APC: variants seen among roughly 807,000 people sequenced by gnomAD.
APC encodes APC regulator of Wnt signaling pathway, also known as adenomatous polyposis coli protein.
A neutral mutation model predicts 247.0 loss-of-function variants in APC; 72 were observed. That is an observed-to-expected ratio of 0.29 (90% CI 0.24 to 0.35). The LOEUF is 0.35. Ranked by LOEUF, APC falls within the 10% of genes least tolerant of loss-of-function variation. APC has a pLI of 1.00. For synonymous variants in APC, 1,254 were observed against 1,162.5 expected, an observed-to-expected ratio of 1.08 and a Z score of -1.60; for missense variants, 3,400 against 3,360.7, an observed-to-expected ratio of 1.01 and a Z score of -0.29.
chr5:112,726,961 G>C (rs977271478), intron 1 of APC, among the ~76,000 whole-genome samples: 1 of 151,908 alleles, frequency 6.6e-6, no homozygotes, highest in Admixed American at 6.6e-5. Context: ...ATATTAAATA[G>C]GCATTATGAA....
rs778381030 is a variant in APC at position 112,803,953 on chromosome 5, A to G, written c.834+2570A>G. Among the ~76,000 whole-genome samples, 15 of 152,260 alleles carry G rather than the reference A, an allele frequency of 9.9e-5. No homozygotes were observed. The South Asian group carries it at 1.0e-3, about 11-fold the overall frequency. ...TCACCTCCCATATATTAGAATCCAG[A>G]TTCTTCATGTTGCTTACTCTTCCAA... On this transcript the variant is annotated intron_variant, in intron 8 of 15. Transcript: ENST00000257430.
intron 6 of APC, among the ~76,000 whole-genome samples, chr5:112,788,192 C>T (rs1382766337): frequency 2.0e-5 from 3 of 152,086 alleles, no homozygotes; most frequent in African/African-American, 4.8e-5. Flanking sequence ...TTATTTGCTG[C>T]AGTTTTATAA....
rs773525821 is a variant in APC, at chr5:112,815,513, G to C, written c.853G>C (p.Asp285His). ...TTTTTAGGGTTCAACTACACGAATG[G>C]ACCATGAAACAGCCAGTGTTTTGAG... ...GNGQGSTTRM[D>H]HETASVLSSS... The change falls in exon 9 of 16, where the codon GAC (aspartate) becomes CAC (histidine). Residue 285 changes from aspartate to histidine, a missense_variant. By Grantham distance (81) the Asp-to-His change is moderately conservative. Transcript: ENST00000257430. The C allele has an allele frequency of 1.2e-6, 2 of 1,611,648 alleles. No individual in the cohort carries two copies. The highest frequency in any genetic ancestry group is 2.7e-5 in the African/African-American group (2 of 74,822).
intron 4 of APC, among the ~76,000 whole-genome samples, chr5:112,768,153 T>C (rs1215954424): frequency 6.6e-6 from 1 of 151,556 alleles, no homozygotes; most frequent in Non-Finnish European, 1.5e-5. Flanking sequence ...AAGCGATTCT[T>C]CTGCTTCAGT....
Position 112,828,846 on chromosome 5 carries a change from T to C in APC, c.1627-10T>C. 6.4e-7 allele frequency: 1 copy of C among 1,567,214 alleles called. No homozygotes were observed. Among genetic ancestry groups the C allele is most frequent in the Non-Finnish European group, 8.8e-7 (1 of 1,137,658 alleles). On this transcript the variant is annotated splice_polypyrimidine_tract_variant and intron_variant, in intron 13 of 15. Transcript: ENST00000257430. ...ATGTATAAATTAATCTAAAATTGATTAATTTGCAGGTTATTGCGAGTGTTT... is the reference window on the plus strand; with the variant it reads ...ATGTATAAATTAATCTAAAATTGATCAATTTGCAGGTTATTGCGAGTGTTT...
rs990850257 is a variant in APC, at chr5:112,737,914, C to G, written c.-30C>G. ...GAGACAGAATGGAGGTGCTGCCGGA[C>G]TCGGAAATGGGGTAGGTGCTGGAGC... is the stretch of plus-strand genomic sequence containing the variant. On this transcript the variant is annotated 5_prime_UTR_variant, in exon 1 of 16. Transcript: ENST00000257430. 8.1e-6 allele frequency: 8 copies of G among 985,602 alleles called. No homozygotes were observed. The highest frequency in any genetic ancestry group is 1.7e-5 in the African/African-American group (1 of 57,232). The allele number at this position is 985,602 out of a possible 1,614,324, so 61.1% of individuals were successfully genotyped here. A position where few individuals can be genotyped will look rare whatever the true frequency, so the allele number is the denominator to read the frequency against.
intron 1 of APC, among the ~76,000 whole-genome samples, chr5:112,720,358 C>G (rs1751415407): frequency 6.6e-6 from 1 of 152,192 alleles, no homozygotes; most frequent in Non-Finnish European, 1.5e-5. Context: ...ATAGTTCCTT[C>G]TCTTTCCTGC....
intron 4 of APC, among the ~76,000 whole-genome samples, chr5:112,772,424 A>C (rs2149805447): frequency 6.6e-6 from 1 of 152,206 alleles, no homozygotes; most frequent in East Asian, 1.9e-4. Context: ...ACTTGATAGT[A>C]GCAAATTGTC....
chr5:112,836,165 T>TCCCCCCCCCCCCCCCCCCC (rs59050067), intron 15 of APC, among the ~76,000 whole-genome samples: 11 of 24,490 alleles, frequency 4.5e-4, no homozygotes, highest in Non-Finnish European at 7.7e-4. Flanking sequence ...GGATTACAGG[T>TCCCCCCCCCCCCCCCCCCC]CCCCCCCCCC....
intron 2 of APC, among the ~76,000 whole-genome samples, chr5:112,765,722 A>G (rs918537816): frequency 6.6e-6 from 1 of 152,212 alleles, no homozygotes; most frequent in Non-Finnish European, 1.5e-5. Context: ...GAAAATGAAA[A>G]TTTCCAACAT....
In APC at chr5:112,827,117, A is replaced by G. The variant is rs190988940; in HGVS notation, c.1418A>G (p.Gln473Arg). 8.1e-6 allele frequency: 13 copies of G among 1,613,734 alleles called. No individual in the cohort carries two copies. The highest frequency in any genetic ancestry group is 1.1e-5 in the Non-Finnish European group (13 of 1,179,828). The change falls in exon 12 of 16, where the codon CAG (glutamine) becomes CGG (arginine). Residue 473 changes from glutamine to arginine, a missense_variant. By Grantham distance (43) the Gln-to-Arg change is conservative. Transcript: ENST00000257430. ...GCCCTTTTTAAATTAGGGGGACTAC[A>G]GGCCATTGCAGAATTATTGCAAGTG... ...RHAMNELGGL[Q>R]AIAELLQVDC...
At chr5:112,795,835 C>G (rs75598146) in intron 7 of APC, among the ~76,000 whole-genome samples, 2 of 152,054 alleles carry the variant, frequency 1.3e-5, no homozygotes, top group African/African-American at 4.8e-5. Context: ...ATTTTTTCAA[C>G]TCAAGACCCA....
At chr5:112,763,538 T>A (rs529856032) in intron 2 of APC, among the ~76,000 whole-genome samples, 2 of 152,266 alleles carry the variant, frequency 1.3e-5, no homozygotes, top group East Asian at 3.9e-4. Flanking sequence ...AAGTTTTTAT[T>A]ATTTCTTTTT....
At chr5:112,818,844 T>TTTGGG in intron 9 of APC, 122 bp from the exon 10 acceptor site, 1 of 842,630 alleles carries the variant, frequency 1.2e-6, no homozygotes, top group Non-Finnish European at 1.8e-6. Flanking sequence ...GTTTTTTTTT[T>TTTGGG]GGCGGGGGGG....
chr5:112,779,522 T>C (rs1340398013), intron 5 of APC, among the ~76,000 whole-genome samples: 2 of 152,224 alleles, frequency 1.3e-5, no homozygotes, highest in East Asian at 3.8e-4. Context: ...TTGTATTTTA[T>C]AAGTATTTTT....
At chr5:112,722,117 C>T (rs932462785) in intron 1 of APC, among the ~76,000 whole-genome samples, 6 of 152,098 alleles carry the variant, frequency 3.9e-5, no homozygotes, top group Admixed American at 6.5e-5. Context: ...TAAGATAAAT[C>T]GGTGAAGATG....
chr5:112,807,608 A>G (rs557517414), intron 8 of APC, among the ~76,000 whole-genome samples: 2 of 151,882 alleles, frequency 1.3e-5, no homozygotes, highest in Non-Finnish European at 2.9e-5. Flanking sequence ...TAGCCAGTAT[A>G]TAATAATAAA....
chr5:112,801,212 A>T, intron 7 of APC, 67 bp from the exon 8 acceptor site: 1 of 1,359,280 alleles, frequency 7.4e-7, no homozygotes, highest in Non-Finnish European at 1.0e-6. Flanking sequence ...AAAAAAAGAA[A>T]AAAAGCCTTG....
chr5:112,731,801 G>A (rs375268053), intron 1 of APC, among the ~76,000 whole-genome samples: 127 of 152,082 alleles, frequency 8.4e-4, no homozygotes, highest in African/African-American at 2.8e-3. Flanking sequence ...TTGCTCTGTT[G>A]CCCAGGCTGC....
Sources: allele counts gnomAD v4.1 joint callset (sites outside exome capture counted in the v4.1 genomes callset), GRCh38; gene constraint gnomAD v4.1.1; transcripts MANE v1.5; gene names NCBI Gene and HGNC (gene_info 2026-07-23, HGNC 2026-07-21).